Variants in RAG1 observed in about 807,000 individuals in gnomAD.
RAG1 encodes recombination activating 1, also known as V(D)J recombination-activating protein 1.
RAG1 carries 35 observed loss-of-function variants against 62.7 expected under a neutral mutation model. The ratio of observed to expected loss-of-function variants is 0.56; its 90% CI spans 0.43 to 0.74. RAG1 has a LOEUF of 0.74. RAG1 is among the 30% of genes least tolerant of loss of function. The pLI, the probability that RAG1 is intolerant of heterozygous loss-of-function variation, is 0.00. For synonymous variants in RAG1, 461 were observed against 470.3 expected (o/e 0.98, Z 0.26); for missense variants, 1,169 against 1,278.6 (o/e 0.91, Z 1.31).
At chr11:36,563,423 C>T (rs1850618855), upstream of RAG1, 2 of 151,904 alleles carry the variant, frequency 1.3e-5, no homozygotes, top group Non-Finnish European at 2.9e-5. Flanking sequence ...CGGGCTTGGA[C>T]TGAATTACAC....
chr11:36,568,318 A>C (rs1850689202), intron 1 of RAG1, among the ~76,000 whole-genome samples, 196 bp downstream of exon 1: 1 of 152,200 alleles, frequency 6.6e-6, no homozygotes, highest in South Asian at 2.1e-4. Context: ...GGTTCATAGA[A>C]AGATGCAAAA....
In RAG1 at chr11:36,574,246, G is replaced by T. The variant is rs1239035321; in HGVS notation, c.942G>T (p.Arg314=). The T allele has an allele frequency of 1.9e-6, 3 of 1,613,976 alleles. No individual in the cohort carries two copies. The highest frequency in any genetic ancestry group is 1.7e-6 in the Non-Finnish European group (2 of 1,180,028). The change falls in exon 2 of 2, where the codon CGG becomes CGT. Residue 314 remains arginine, a synonymous_variant. Coordinates refer to ENST00000299440, the MANE Select transcript of RAG1 (RefSeq NM_000448.3). ...CCAACTGTAAGCATGTCTTTTGCCG[G>T]GTCTGCATTCTCAGATGCCTCAAAG... ...VETNCKHVFC[R]VCILRCLKVM...
intron 2 of RAG1, among the ~76,000 whole-genome samples, chr11:36,532,410 T>C (rs1860270245): frequency 6.6e-6 from 1 of 152,188 alleles, no homozygotes. Context: ...TAGTATATGA[T>C]ATACTCTTTC....
downstream of RAG1, among the ~76,000 whole-genome samples, chr11:36,540,617 A>G (rs1350556285): frequency 6.6e-6 from 1 of 152,152 alleles, no homozygotes; most frequent in East Asian, 1.9e-4. Flanking sequence ...CGTGTTAGCC[A>G]GGATGGTCTC....
rs1564990173 is a variant in RAG1 at position 36,576,088 on chromosome 11, G to GT, written c.2785dup (p.Tyr929LeufsTer2). On this transcript the variant is annotated frameshift_variant, in exon 2 of 2. Coordinates refer to ENST00000299440, the MANE Select transcript of RAG1 (RefSeq NM_000448.3). LOFTEE classifies it high-confidence loss of function. ...CTGAGCTCCTTTCTACGAAGTTCAA[G>GT]TATAGGTATGAGGGAAAAATCACCA... 6.2e-7 allele frequency: 1 copy of GT among 1,614,000 alleles called. No homozygotes were observed. The highest frequency in any genetic ancestry group is 1.1e-5 in the South Asian group (1 of 91,080).
intron 2 of RAG1, among the ~76,000 whole-genome samples, chr11:36,529,850 T>C (rs1425466098): frequency 2.0e-5 from 3 of 152,030 alleles, no homozygotes; most frequent in Non-Finnish European, 4.4e-5. Flanking sequence ...GAATTGGGAA[T>C]GGTTTTTTTT....
chr11:36,523,514 A>G (rs1697486830), intron 2 of RAG1, among the ~76,000 whole-genome samples: 1 of 152,196 alleles, frequency 6.6e-6, no homozygotes, highest in African/African-American at 2.4e-5. Context: ...GCAGTGTGAA[A>G]TGGGCTAATA....
At chr11:36,573,258 G>T in intron 1 of RAG1, 33 bp from the exon 2 acceptor site, 2 of 1,606,804 alleles carry the variant, frequency 1.2e-6, no homozygotes, top group South Asian at 1.1e-5. Context: ...TATTGATATT[G>T]GTCTTAATAT....
chr11:36,515,888 G>A (rs1859988793), intron 1 of RAG1, among the ~76,000 whole-genome samples: 1 of 152,172 alleles, frequency 6.6e-6, no homozygotes, highest in African/African-American at 2.4e-5. Context: ...CCTTGGTAAA[G>A]CCCATCTACT....
In RAG1 at chr11:36,573,981, T is replaced by A; in HGVS notation, c.677T>A (p.Leu226His). ...TARRGLKRKS[L>H]QPNLQLSKKL... ...CGTCGGGGACTCAAGAGGAAGAGTC[T>A]TCAGCCAAACTTGCAGCTCAGCAAA... The change falls in exon 2 of 2, where the codon CTT (leucine) becomes CAT (histidine). Residue 226 changes from leucine (L) to histidine (H), a missense_variant. Around this residue, in one of 2 missense-constraint regions of RAG1, gnomAD observed 369 missense variants for 335.3 expected, o/e 1.10. Coordinates refer to ENST00000299440, the MANE Select transcript of RAG1 (RefSeq NM_000448.3). The A allele has an allele frequency of 6.2e-7, 1 of 1,614,148 alleles. No individual in the cohort carries two copies. Among genetic ancestry groups the A allele is most frequent in the Non-Finnish European group, 8.5e-7 (1 of 1,180,024 alleles).
At chr11:36,517,885 C>T (rs1471161859) in intron 1 of RAG1, among the ~76,000 whole-genome samples, 2 of 151,916 alleles carry the variant, frequency 1.3e-5, no homozygotes, top group Admixed American at 6.6e-5. Flanking sequence ...ATGTGCACAA[C>T]GTGCAGGTTT....
intron 2 of RAG1, among the ~76,000 whole-genome samples, chr11:36,527,161 G>A (rs944434503): frequency 5.9e-5 from 9 of 152,116 alleles, no homozygotes; most frequent in Non-Finnish European, 1.3e-4. Context: ...CTTTGCCCAT[G>A]CCTATGTCCT....
intron 1 of RAG1, among the ~76,000 whole-genome samples, chr11:36,514,707 G>A (rs766414259): frequency 8.5e-5 from 13 of 152,158 alleles, no homozygotes; most frequent in Non-Finnish European, 1.6e-4. Context: ...TGCAGTTCAC[G>A]AAAGGGTTTG....
intron 1 of RAG1, 71 bp from the exon 2 acceptor site, chr11:36,573,220 T>G: frequency 7.2e-7 from 1 of 1,396,544 alleles, no homozygotes; most frequent in South Asian, 1.3e-5. Context: ...GTATTTATTT[T>G]TATTATTTAT....
At chr11:36,521,228 G>A (rs1483648067) in intron 2 of RAG1, among the ~76,000 whole-genome samples, 6 of 152,146 alleles carry the variant, frequency 3.9e-5, no homozygotes, top group African/African-American at 1.2e-4. Context: ...CAAAGTGCTG[G>A]GATTACAGGC....
chr11:36,560,278 T>C (rs550669496), intron 3 of RAG1, among the ~76,000 whole-genome samples: 1 of 152,240 alleles, frequency 6.6e-6, no homozygotes, highest in South Asian at 2.1e-4. Context: ...GTGGCAAGCA[T>C]TGGGTGATCA....
At position 36,568,899 on chromosome 11, in the gene RAG1, T is replaced by C. The variant is rs569827872; in HGVS notation, c.-15+777T>C. Among the ~76,000 whole-genome samples the C allele has an allele frequency of 7.9e-5, 12 of 152,340 alleles. No homozygotes were observed. The South Asian group carries it at 2.3e-3, about 29-fold the overall frequency. On this transcript the variant is annotated intron_variant, in intron 1 of 1. Coordinates refer to ENST00000299440, the MANE Select transcript of RAG1 (RefSeq NM_000448.3). ...ATACTTGAGACTTATAAAAAGGCTT[T>C]TTATTTTGTCACATTTTTGATACAT...
In RAG1 at chr11:36,573,280, A is replaced by C. The variant is rs1850775289; in HGVS notation, c.-14-11A>C. On this transcript the variant is annotated splice_polypyrimidine_tract_variant and intron_variant, in intron 1 of 1. Coordinates refer to ENST00000299440, the MANE Select transcript of RAG1 (RefSeq NM_000448.3). Reference sequence around the variant, plus strand: ...ATTGGTCTTAATATGACTTGTTTTCATTGTTCTCAGGTACCTCAGCCAGCA... The same window carrying C: ...ATTGGTCTTAATATGACTTGTTTTCCTTGTTCTCAGGTACCTCAGCCAGCA... The C allele has an allele frequency of 6.2e-7, 1 of 1,613,896 alleles. No homozygotes were observed. The highest frequency in any genetic ancestry group is 8.5e-7 in the Non-Finnish European group (1 of 1,179,926).
chr11:36,527,431 C>T (rs1212396680), intron 2 of RAG1, among the ~76,000 whole-genome samples: 1 of 152,020 alleles, frequency 6.6e-6, no homozygotes, highest in Non-Finnish European at 1.5e-5. Flanking sequence ...CTGTTCTGTT[C>T]CATTGGTCTA....
Sources: gnomAD v4.1 joint callset for allele counts (sites outside exome capture counted in the v4.1 genomes callset) on GRCh38, gnomAD v4.1.1 for gene constraint, gnomAD v4.1.1 regional missense constraint, MANE v1.5 for transcripts, NCBI Gene and HGNC (gene_info 2026-07-23, HGNC 2026-07-21) for gene names.